The following SLC9A3 variants were observed in gnomAD, a reference collection of about 807,000 sequenced individuals.
SLC9A3 encodes sodium/hydrogen exchanger 3.
Under a neutral mutation model 86.8 loss-of-function variants are expected in SLC9A3, and 37 were observed. The ratio of observed to expected loss-of-function variants is 0.43; its 90% CI spans 0.33 to 0.56. The LOEUF is 0.56. Among genes scored for constraint, SLC9A3 ranks in the 20% least tolerant of loss-of-function variants. SLC9A3 has a pLI of 0.06. For synonymous variants in SLC9A3, 581 were observed against 528.3 expected (o/e 1.10, Z -1.37); for missense variants, 1,011 against 1,171.9 (o/e 0.86, Z 2.00).
intron 1 of SLC9A3, among the ~76,000 whole-genome samples, chr5:495,040 G>A (rs904771412): frequency 1.8e-4 from 28 of 152,102 alleles, no homozygotes; most frequent in Non-Finnish European, 3.2e-4. Flanking sequence ...CCGCCGGCAC[G>A]TGGGCTGCTT....
intron 5 of SLC9A3, among the ~76,000 whole-genome samples, chr5:483,714 C>T (rs1579781698): frequency 3.3e-5 from 5 of 152,402 alleles, no homozygotes; most frequent in Admixed American, 3.3e-4. Flanking sequence ...GGGCTGCCTG[C>T]CAGCAGGGAG....
intron 9 of SLC9A3, among the ~76,000 whole-genome samples, chr5:481,072 T>C (rs59012096): frequency 0.071 from 10,866 of 152,196 alleles, 497 homozygotes; most frequent in Admixed American, 0.13. Context: ...GTATTTTTAG[T>C]AGAGACGGGG....
intron 10 of SLC9A3, 71 bp from the exon 11 acceptor site, chr5:477,515 G>C (rs1289634628): frequency 8.4e-7 from 1 of 1,184,646 alleles, no homozygotes; most frequent in Non-Finnish European, 1.2e-6. Context: ...GTGTGCCCTG[G>C]GGGGAAGCGC....
At chr5:503,073 A>T (rs1310418605) in intron 1 of SLC9A3, among the ~76,000 whole-genome samples, 2 of 152,208 alleles carry the variant, frequency 1.3e-5, no homozygotes, top group African/African-American at 4.8e-5. Context: ...CTAAAATAGA[A>T]CTTATCAAAG....
chr5:484,942 C>T (rs1739395470), intron 4 of SLC9A3, among the ~76,000 whole-genome samples: 1 of 152,240 alleles, frequency 6.6e-6, no homozygotes, highest in African/African-American at 2.4e-5. Context: ...CCTGGCTGCC[C>T]TCATCCCTGT....
intron 5 of SLC9A3, 51 bp from the exon 6 acceptor site, chr5:483,533 G>C: frequency 7.4e-7 from 1 of 1,354,580 alleles, no homozygotes; most frequent in South Asian, 1.2e-5. Flanking sequence ...TGGCGCCCGA[G>C]GCCCCCGTGT....
chr5:516,103 C>T (rs1179657118), intron 1 of SLC9A3, among the ~76,000 whole-genome samples: 3 of 144,084 alleles, frequency 2.1e-5, no homozygotes, highest in Non-Finnish European at 4.5e-5. Flanking sequence ...CTTTTTGCCT[C>T]GGGCACTTCG....
At chr5:477,165 G>A (rs1474952273) in intron 11 of SLC9A3, 167 bp downstream of exon 11, 2 of 578,532 alleles carry the variant, frequency 3.5e-6, no homozygotes, top group Non-Finnish European at 6.2e-6. Flanking sequence ...TCTGGCCACG[G>A]CCTAATATAG....
chr5:504,870 A>C (rs1465479115), intron 1 of SLC9A3, among the ~76,000 whole-genome samples: 1 of 151,808 alleles, frequency 6.6e-6, no homozygotes, highest in Non-Finnish European at 1.5e-5. Flanking sequence ...GGGGGCTCAC[A>C]CCTCGGCTAG....
intron 1 of SLC9A3, among the ~76,000 whole-genome samples, chr5:504,090 G>A (rs1283006779): frequency 6.6e-6 from 1 of 151,850 alleles, no homozygotes; most frequent in South Asian, 2.1e-4. Context: ...AGCATTCCCC[G>A]TGTTTTTGCC....
chr5:473,588 C>T (rs1408311907), intron 16 of SLC9A3, among the ~76,000 whole-genome samples: 2 of 152,100 alleles, frequency 1.3e-5, no homozygotes, highest in Admixed American at 1.3e-4. Context: ...AGCCCCAGCC[C>T]GGCCCCGCCA....
chr5:490,684 T>G (rs1739693102), intron 2 of SLC9A3, among the ~76,000 whole-genome samples: 1 of 152,128 alleles, frequency 6.6e-6, no homozygotes, highest in Admixed American at 6.5e-5. Context: ...GGGCCGCGGG[T>G]CCAGGAGTCT....
chr5:473,143 C>CAGG lies in SLC9A3; in HGVS notation c.*235_*236insCCT. The stretch of plus-strand genomic sequence containing the variant: ...TGCGCACTCGGCAGCCCTCGGCGCT[C>CAGG]CGGCCCCGCCCCCGGCGCAGGCCCC... On this transcript the variant is annotated 3_prime_UTR_variant, in exon 17 of 17. Transcript: ENST00000264938. 1 of 279,530 alleles carries CAGG rather than the reference C, an allele frequency of 3.6e-6. No individual in the cohort carries two copies. Among genetic ancestry groups the CAGG allele is most frequent in the Non-Finnish European group, 6.3e-6 (1 of 159,062 alleles). The allele number at this position is 279,530 out of a possible 1,614,324, so 17.3% of individuals were successfully genotyped here.
At chr5:481,409 G>A (rs1291666441) in intron 9 of SLC9A3, among the ~76,000 whole-genome samples, 156 bp downstream of exon 9, 2 of 152,132 alleles carry the variant, frequency 1.3e-5, no homozygotes, top group East Asian at 3.9e-4. Context: ...TGCGTGTCTC[G>A]GGGCACACCT....
chr5:506,963 C>T (rs1375048271), intron 1 of SLC9A3, among the ~76,000 whole-genome samples: 4 of 149,284 alleles, frequency 2.7e-5, no homozygotes, highest in Admixed American at 6.7e-5. Flanking sequence ...CCCAGCTACT[C>T]GGGAGGCTGA....
chr5:473,136 C>G lies in SLC9A3; in HGVS notation c.*243G>C. 1 of 240,590 alleles carries G rather than the reference C, an allele frequency of 4.2e-6. No homozygotes were observed. The highest frequency in any genetic ancestry group is 7.7e-6 in the Non-Finnish European group (1 of 130,622). 14.9% of individuals were successfully genotyped at this position (240,590 alleles called of 1,614,324 possible). On this transcript the variant is annotated 3_prime_UTR_variant, in exon 17 of 17. Transcript: ENST00000264938. Reference sequence around the variant, plus strand: ...ACGCGCGTGCGCACTCGGCAGCCCTCGGCGCTCCGGCCCCGCCCCCGGCGC... The same window carrying G: ...ACGCGCGTGCGCACTCGGCAGCCCTGGGCGCTCCGGCCCCGCCCCCGGCGC...
At chr5:513,050 A>C (rs924471409) in intron 1 of SLC9A3, among the ~76,000 whole-genome samples, 91 of 152,088 alleles carry the variant, frequency 6.0e-4, no homozygotes, top group African/African-American at 2.0e-3. Flanking sequence ...CTGGGGCTGG[A>C]GAATTGCCTC....
intron 7 of SLC9A3, 63 bp from the exon 8 acceptor site, chr5:482,220 A>C (rs1579778773): frequency 7.6e-7 from 1 of 1,311,016 alleles, no homozygotes. Flanking sequence ...TGGCCCGGCC[A>C]GGTGCACCAC....
At chr5:511,723 C>A (rs1027611177) in intron 1 of SLC9A3, among the ~76,000 whole-genome samples, 1 of 152,250 alleles carries the variant, frequency 6.6e-6, no homozygotes, top group African/African-American at 2.4e-5. Context: ...TGGAAGACAG[C>A]GTGGCAGTTT....
Sources: allele counts gnomAD v4.1 joint callset (sites outside exome capture counted in the v4.1 genomes callset), GRCh38; gene constraint gnomAD v4.1.1; transcripts MANE v1.5; gene names NCBI Gene and HGNC (gene_info 2026-07-23, HGNC 2026-07-21).